Variants in RELN observed in about 807,000 individuals in gnomAD.
RELN encodes reelin.
Under a neutral mutation model 427.6 loss-of-function variants are expected in RELN, and 108 were observed. The ratio of observed to expected loss-of-function variants is 0.25; its 90% CI spans 0.22 to 0.30. The LOEUF (loss-of-function observed/expected upper bound fraction) is 0.30, where lower values mean the gene tolerates loss of function less well. Ranked by LOEUF, RELN falls within the 10% of genes least tolerant of loss-of-function variation. The probability of loss-of-function intolerance (pLI) is 1.00; values close to 1 mark genes in which losing one functional copy is unlikely to be tolerated. For missense variants in RELN, 3,715 were observed against 4,302.8 expected, an observed-to-expected ratio of 0.86 and a Z score of 3.82; for synonymous variants, 1,524 against 1,513.4, an observed-to-expected ratio of 1.01 and a Z score of -0.16.
intron 17 of RELN, among the ~76,000 whole-genome samples, chr7:103,639,771 TTAA>T (rs2117360353): frequency 6.6e-6 from 1 of 152,304 alleles, no homozygotes; most frequent in African/African-American, 2.4e-5. Context: ...AGCTAATTGA[TTAA>T]TTACTCTTTT....
chr7:103,803,333 C>T (rs1792516262), intron 3 of RELN, among the ~76,000 whole-genome samples: 1 of 152,102 alleles, frequency 6.6e-6, no homozygotes, highest in South Asian at 2.1e-4. Flanking sequence ...ATTTTAAATA[C>T]ATCTTAACTC....
chr7:103,936,293 A>G (rs1563100414), intron 1 of RELN, among the ~76,000 whole-genome samples: 1 of 151,978 alleles, frequency 6.6e-6, no homozygotes, highest in Non-Finnish European at 1.5e-5. Flanking sequence ...GCGTTTCAAC[A>G]TGTTGGCCAG....
At chr7:103,879,791 T>C (rs535873769) in intron 2 of RELN, among the ~76,000 whole-genome samples, 64 of 152,220 alleles carry the variant, frequency 4.2e-4, no homozygotes, top group Non-Finnish European at 7.3e-4. Context: ...CAGTTTTCTT[T>C]AGGACATATT....
At chr7:103,479,194 TTAGGA>T (rs1322530073) in intron 63 of RELN, among the ~76,000 whole-genome samples, 1 of 152,220 alleles carries the variant, frequency 6.6e-6, no homozygotes, top group Non-Finnish European at 1.5e-5. Flanking sequence ...AGGGAGATTC[TTAGGA>T]TAGAAGTATG....
intron 6 of RELN, among the ~76,000 whole-genome samples, chr7:103,747,983 T>G (rs1790889631): frequency 6.6e-6 from 1 of 152,030 alleles, no homozygotes; most frequent in Non-Finnish European, 1.5e-5. Context: ...TTTGTATTTG[T>G]CAAGAAAACT....
chr7:103,916,517 C>T (rs1442253956), intron 2 of RELN, among the ~76,000 whole-genome samples: 3 of 152,144 alleles, frequency 2.0e-5, no homozygotes, highest in African/African-American at 7.2e-5. Context: ...TAATGGACAT[C>T]ACGTGGTCTT....
chr7:103,854,785 T>C (rs1370168120), intron 2 of RELN, among the ~76,000 whole-genome samples: 2 of 152,204 alleles, frequency 1.3e-5, no homozygotes, highest in African/African-American at 4.8e-5. Context: ...TGGCAGAATG[T>C]GTCTCTCTCA....
At chr7:103,627,476 C>T (rs1403816927) in intron 20 of RELN, among the ~76,000 whole-genome samples, 1 of 152,064 alleles carries the variant, frequency 6.6e-6, no homozygotes, top group Non-Finnish European at 1.5e-5. Flanking sequence ...GGGGTTTATT[C>T]TGACTCACTG....
At chr7:103,735,466 C>T (rs1790468194) in intron 6 of RELN, among the ~76,000 whole-genome samples, 1 of 152,118 alleles carries the variant, frequency 6.6e-6, no homozygotes, top group African/African-American at 2.4e-5. Flanking sequence ...GGGGTCCCCA[C>T]ATAGCAGTGA....
rs1328397764 is a variant in RELN at position 103,698,417 on chromosome 7, A to AT, written c.903-325dup. ...ACACTGCTATGGCTTGTGTAAAAAA[A>AT]TTACAAATCACAAAGTATATCCAGC... On this transcript the variant is annotated intron_variant, in intron 9 of 64. Coordinates refer to ENST00000428762, the MANE Select transcript of RELN (RefSeq NM_005045.4). Among the ~76,000 whole-genome samples the AT allele has an allele frequency of 2.6e-5, 4 of 152,338 alleles. No homozygotes were observed. In the East Asian group the frequency reaches 7.7e-4, roughly 29 times the overall value.
chr7:103,723,760 G>A (rs1193408204), intron 7 of RELN, among the ~76,000 whole-genome samples: 2 of 152,072 alleles, frequency 1.3e-5, no homozygotes, highest in Non-Finnish European at 2.9e-5. Context: ...TAAACCAGAA[G>A]CCTTGAACTG....
intron 3 of RELN, among the ~76,000 whole-genome samples, chr7:103,794,316 C>T (rs1299571257): frequency 1.3e-5 from 2 of 152,106 alleles, no homozygotes; most frequent in East Asian, 3.9e-4. Context: ...GCTATATATC[C>T]CCCTATGAGT....
At position 103,515,309 on chromosome 7, in the gene RELN, G is replaced by A; in HGVS notation, c.7995C>T (p.Asp2665=). ...AGGTGTCCAGCATAACGGTCCTTTG[G>A]TCAGCAGAGCCTGAGATGAGGACAT... ...IDNVLISGSA[D]QRTVMLDTFS... Residue 2665 remains aspartate (D), a synonymous_variant, in exon 50 of 65, where the codon GAC becomes GAT. Transcript: ENST00000428762. 6.2e-7 allele frequency: 1 copy of A among 1,614,114 alleles called. No homozygotes were observed. The highest frequency in any genetic ancestry group is 8.5e-7 in the Non-Finnish European group (1 of 1,180,004).
intron 3 of RELN, among the ~76,000 whole-genome samples, chr7:103,789,629 T>C (rs1369418345): frequency 6.6e-6 from 1 of 152,126 alleles, no homozygotes; most frequent in Non-Finnish European, 1.5e-5. Flanking sequence ...AAAACCGCAA[T>C]GAGATACCAT....
intron 41 of RELN, among the ~76,000 whole-genome samples, chr7:103,549,982 T>G (rs1013696916): frequency 6.6e-6 from 1 of 152,258 alleles, no homozygotes; most frequent in East Asian, 1.9e-4. Flanking sequence ...AGACACTCTT[T>G]GCCTCCTCTG....
chr7:103,575,633 C>T lies in RELN; in HGVS notation c.4218G>A (p.Val1406=), dbSNP rs2117208313. Residue 1406 remains valine, a synonymous_variant, in exon 29 of 65, where the codon GTG becomes GTA. Transcript: ENST00000428762. ...KNVPPFGLDG[V]YISEPCPSYC... ...AACTGGGACAAGGCTCGGATATGTA[C>T]ACTCCATCTAAACCAAATGGAGGCA... 6.2e-7 allele frequency: 1 copy of T among 1,614,142 alleles called. No homozygotes were observed. Among genetic ancestry groups the T allele is most frequent in the Non-Finnish European group, 8.5e-7 (1 of 1,179,988 alleles).
Position 103,650,269 on chromosome 7 carries a change from C to G in RELN, c.2002+5G>C. The G allele has an allele frequency of 6.5e-7, 1 of 1,546,004 alleles. No homozygotes were observed. The highest frequency in any genetic ancestry group is 1.1e-5 in the South Asian group (1 of 89,694). ...CATGTGATTATGACAGGCATAAACACTAACCATTATCAATTGCCCACATGT... is the reference window on the plus strand; with the variant it reads ...CATGTGATTATGACAGGCATAAACAGTAACCATTATCAATTGCCCACATGT... On this transcript the variant is annotated splice_donor_5th_base_variant and intron_variant, in intron 16 of 64. Coordinates refer to ENST00000428762, the MANE Select transcript of RELN (RefSeq NM_005045.4).
intron 11 of RELN, among the ~76,000 whole-genome samples, chr7:103,678,715 C>T (rs1249032195): frequency 6.6e-6 from 1 of 152,072 alleles, no homozygotes; most frequent in East Asian, 1.9e-4. Context: ...TCTTACATAA[C>T]AAAAACATTG....
At chr7:103,543,163 A>G (rs1015812670) in intron 42 of RELN, among the ~76,000 whole-genome samples, 4 of 152,140 alleles carry the variant, frequency 2.6e-5, no homozygotes, top group African/African-American at 9.7e-5. Context: ...GTTCACACTG[A>G]AAAAAAGGAC....
Sources: gnomAD v4.1 joint callset for allele counts (sites outside exome capture counted in the v4.1 genomes callset) on GRCh38, gnomAD v4.1.1 for gene constraint, MANE v1.5 for transcripts, NCBI Gene and HGNC (gene_info 2026-07-23, HGNC 2026-07-21) for gene names.